AGTPBP1: variants seen among roughly 807,000 people sequenced by gnomAD.
AGTPBP1 encodes the protein cytosolic carboxypeptidase 1.
AGTPBP1 carries 70 observed loss-of-function variants against 143.9 expected under a neutral mutation model. That is an observed-to-expected ratio of 0.49 (90% CI 0.40 to 0.59). The LOEUF (loss-of-function observed/expected upper bound fraction) is 0.59. Ranked by LOEUF, AGTPBP1 falls within the 20% of genes least tolerant of loss-of-function variation. The pLI is 0.00. For synonymous variants in AGTPBP1, 463 were observed against 500.2 expected (o/e 0.93, Z 0.99); for missense variants, 1,229 against 1,464.5 (o/e 0.84, Z 2.62).
intron 4 of AGTPBP1, among the ~76,000 whole-genome samples, chr9:85,679,986 A>C (rs1358751903): frequency 2.0e-5 from 3 of 152,174 alleles, no homozygotes; most frequent in African/African-American, 7.2e-5. Context: ...GAATGCAGGA[A>C]GTCATGATTC....
intron 11 of AGTPBP1, among the ~76,000 whole-genome samples, chr9:85,647,350 G>A (rs1292810164): frequency 6.6e-6 from 1 of 152,200 alleles, no homozygotes; most frequent in Non-Finnish European, 1.5e-5. Flanking sequence ...TGGCCCATGG[G>A]CAGCATATTG....
chr9:85,779,543 A>G, the AGTPBP1 span, among the ~76,000 whole-genome samples: 1 of 152,136 alleles, frequency 6.6e-6, no homozygotes, highest in Non-Finnish European at 1.5e-5. Context: ...TCACCAGATT[A>G]AGGGTGGGTG....
At chr9:85,554,897 C>T (rs917647285) in intron 25 of AGTPBP1, among the ~76,000 whole-genome samples, 2 of 151,850 alleles carry the variant, frequency 1.3e-5, no homozygotes, top group Non-Finnish European at 2.9e-5. Context: ...AAATGGAAAA[C>T]CTAGAAATGA....
At chr9:85,734,860 C>T (rs945299614) in intron 1 of AGTPBP1, among the ~76,000 whole-genome samples, 14 of 151,810 alleles carry the variant, frequency 9.2e-5, no homozygotes, top group African/African-American at 2.7e-4. Flanking sequence ...GGTAGAACCC[C>T]GTCTCTACTA....
chr9:85,709,232 C>T (rs1240264971), intron 2 of AGTPBP1, among the ~76,000 whole-genome samples: 1 of 152,072 alleles, frequency 6.6e-6, no homozygotes, highest in South Asian at 2.1e-4. Flanking sequence ...ACTTTGCAAC[C>T]ATCTCAACAG....
At chr9:85,797,600 G>A in the AGTPBP1 span, among the ~76,000 whole-genome samples, 1 of 151,916 alleles carries the variant, frequency 6.6e-6, no homozygotes, top group Non-Finnish European at 1.5e-5. Context: ...TGACTTCCTG[G>A]AACCTCCCTT....
chr9:85,781,382 T>A, the AGTPBP1 span: 2 of 1,525,570 alleles, frequency 1.3e-6, no homozygotes, highest in Admixed American at 2.4e-5. Context: ...ACTTTTAGTG[T>A]TGTCACTCTT....
the AGTPBP1 span, among the ~76,000 whole-genome samples, chr9:85,773,133 C>T: frequency 5.3e-5 from 8 of 150,846 alleles, no homozygotes; most frequent in African/African-American, 1.9e-4. Flanking sequence ...GACTTGGTGG[C>T]GGGCGCCTGT....
intron 1 of AGTPBP1, among the ~76,000 whole-genome samples, chr9:85,715,634 G>C (rs1023216098): frequency 3.3e-5 from 5 of 152,126 alleles, no homozygotes; most frequent in African/African-American, 1.2e-4. Context: ...CCAGGAAAAA[G>C]GTCAGTTCTC....
At chr9:85,718,372 G>A in intron 1 of AGTPBP1, among the ~76,000 whole-genome samples, 1 of 152,188 alleles carries the variant, frequency 6.6e-6, no homozygotes, top group South Asian at 2.1e-4. Context: ...TAACTGGTAT[G>A]AGATGGTATC....
intron 23 of AGTPBP1, among the ~76,000 whole-genome samples, chr9:85,583,754 G>C (rs1403946086): frequency 6.6e-6 from 1 of 152,012 alleles, no homozygotes; most frequent in Non-Finnish European, 1.5e-5. Context: ...TATTTATTGA[G>C]TACTTATTAT....
the AGTPBP1 span, among the ~76,000 whole-genome samples, chr9:85,779,464 C>A: frequency 1.3e-5 from 2 of 152,002 alleles, no homozygotes; most frequent in African/African-American, 4.8e-5. Flanking sequence ...AAGATGTAGG[C>A]TGGGAGGCTA....
At chr9:85,565,577 G>T (rs1323787483) in intron 25 of AGTPBP1, among the ~76,000 whole-genome samples, 2 of 152,168 alleles carry the variant, frequency 1.3e-5, no homozygotes, top group South Asian at 4.2e-4. Flanking sequence ...GGACAGGGGG[G>T]TGATCTTAGT....
chr9:85,707,386 A>G (rs1837079478), intron 2 of AGTPBP1, among the ~76,000 whole-genome samples: 1 of 152,200 alleles, frequency 6.6e-6, no homozygotes, highest in Admixed American at 6.5e-5. Flanking sequence ...AATAATAAAA[A>G]TCAAAATAGA....
At chr9:85,709,225 T>G (rs934706993) in intron 2 of AGTPBP1, among the ~76,000 whole-genome samples, 7 of 152,136 alleles carry the variant, frequency 4.6e-5, no homozygotes, top group African/African-American at 1.7e-4. Flanking sequence ...GAGAAAAACT[T>G]TGCAACCATC....
intron 10 of AGTPBP1, among the ~76,000 whole-genome samples, chr9:85,656,578 T>C (rs968577655): frequency 6.6e-6 from 1 of 152,078 alleles, no homozygotes; most frequent in African/African-American, 2.4e-5. Context: ...AAAAGACAGA[T>C]TTCTTTCTAA....
chr9:85,685,504 C>T (rs138308001), intron 3 of AGTPBP1, among the ~76,000 whole-genome samples: 2 of 151,804 alleles, frequency 1.3e-5, no homozygotes, highest in African/African-American at 4.8e-5. Context: ...AAGACGATGA[C>T]GATGAAACTG....
chr9:85,713,661 T>C lies in AGTPBP1; in HGVS notation c.-33-1095A>G, dbSNP rs192497499. On this transcript the variant is annotated intron_variant, in intron 1 of 25. Coordinates refer to ENST00000357081, the MANE Select transcript of AGTPBP1 (RefSeq NM_001330701.2). ...ACTTCAAATTGTTTAACTTAATACATTTGGAAGATACTCTGATGAAGTAGA... is the reference window on the plus strand; with the variant it reads ...ACTTCAAATTGTTTAACTTAATACACTTGGAAGATACTCTGATGAAGTAGA... Among the ~76,000 whole-genome samples the C allele has an allele frequency of 5.3e-3, 807 of 152,318 alleles. 7 individuals carry two copies. Among genetic ancestry groups the C allele is most frequent in the African/African-American group, 0.019 (781 of 41,568 alleles).
At chr9:85,689,925 A>ATAT (rs1554726690) in intron 3 of AGTPBP1, among the ~76,000 whole-genome samples, 4 of 72,488 alleles carry the variant, frequency 5.5e-5, no homozygotes, top group South Asian at 5.3e-4. Context: ...AAAAAAAAAA[A>ATAT]ATATATATAT....
Sources: allele counts gnomAD v4.1 joint callset (sites outside exome capture counted in the v4.1 genomes callset), GRCh38; gene constraint gnomAD v4.1.1; transcripts MANE v1.5; gene names NCBI Gene and HGNC (gene_info 2026-07-23, HGNC 2026-07-21).